The following EFCAB5 variants were observed in gnomAD, a reference collection of about 807,000 sequenced individuals.
EFCAB5 encodes the protein EF-hand calcium-binding domain-containing protein 5.
A neutral mutation model predicts 167.9 loss-of-function variants in EFCAB5; 131 were observed. That is an observed-to-expected ratio of 0.78 (90% CI 0.68 to 0.90). The LOEUF (loss-of-function observed/expected upper bound fraction) is 0.90, where lower values mean the gene tolerates loss of function less well. Ranked by LOEUF, EFCAB5 falls within the 40% of genes least tolerant of loss-of-function variation. The pLI is 0.00. For missense variants in EFCAB5, 1,663 were observed against 1,745.2 expected (o/e 0.95, Z 0.84); for synonymous variants, 574 against 602.8 (o/e 0.95, Z 0.70).
intron 7 of EFCAB5, 48 bp downstream of exon 7, chr17:30,000,024 T>C (rs781399290): frequency 1.5e-5 from 21 of 1,416,174 alleles, no homozygotes; most frequent in African/African-American, 1.3e-4. Context: ...TTTGTCAGTT[T>C]CAATTGTCTG....
intron 17 of EFCAB5, among the ~76,000 whole-genome samples, chr17:30,081,772 G>A (rs2070992803): frequency 6.6e-6 from 1 of 152,092 alleles, no homozygotes; most frequent in Non-Finnish European, 1.5e-5. Context: ...CTCTTTCTCT[G>A]GACACATTTT....
intron 22 of EFCAB5, among the ~76,000 whole-genome samples, chr17:30,096,568 T>C (rs548884707): frequency 6.6e-6 from 1 of 151,410 alleles, no homozygotes; most frequent in South Asian, 2.1e-4. Flanking sequence ...AAAAACTTGG[T>C]TTAATAAGAA....
chr17:30,101,721 G>C (rs995052089), intron 22 of EFCAB5, among the ~76,000 whole-genome samples: 1 of 152,154 alleles, frequency 6.6e-6, no homozygotes, highest in Non-Finnish European at 1.5e-5. Context: ...AGCAAAGAAT[G>C]GTGTGGTAAC....
At chr17:30,107,283 A>AAT (rs1330433258) in intron 22 of EFCAB5, among the ~76,000 whole-genome samples, 2 of 152,244 alleles carry the variant, frequency 1.3e-5, no homozygotes, top group Admixed American at 1.3e-4. Flanking sequence ...TATAGAGAAT[A>AAT]ATACCTGCAT....
At chr17:30,087,722 T>A (rs1221059486) in intron 19 of EFCAB5, among the ~76,000 whole-genome samples, 1 of 152,222 alleles carries the variant, frequency 6.6e-6, no homozygotes, top group East Asian at 1.9e-4. Flanking sequence ...ATTCCATGTC[T>A]TTGCTACTGT....
At chr17:30,038,437 T>C (rs1191219844) in intron 8 of EFCAB5, among the ~76,000 whole-genome samples, 1 of 152,218 alleles carries the variant, frequency 6.6e-6, no homozygotes, top group Non-Finnish European at 1.5e-5. Context: ...AAGATTCCTT[T>C]CAAAATATTA....
chr17:30,045,864 T>A (rs897262487), intron 8 of EFCAB5, among the ~76,000 whole-genome samples: 1 of 150,616 alleles, frequency 6.6e-6, no homozygotes, highest in Non-Finnish European at 1.5e-5. Flanking sequence ...TAAATAAAAT[T>A]AAAAATAAAT....
At chr17:30,069,761 G>T in intron 14 of EFCAB5, 2 of 691,436 alleles carry the variant, frequency 2.9e-6, no homozygotes, top group Non-Finnish European at 4.9e-6. Context: ...TTATCACAGA[G>T]CCATTTTAAG....
intron 22 of EFCAB5, among the ~76,000 whole-genome samples, chr17:30,096,309 A>C (rs1466259017): frequency 1.3e-5 from 2 of 152,318 alleles, no homozygotes; most frequent in East Asian, 3.9e-4. Context: ...ATTAAGAGGA[A>C]CAACTAAATA....
chr17:30,083,833 A>C (rs2071036557), intron 18 of EFCAB5, among the ~76,000 whole-genome samples: 1 of 152,218 alleles, frequency 6.6e-6, no homozygotes, highest in African/African-American at 2.4e-5. Context: ...AACACTCACC[A>C]GAATCATATG....
intron 4 of EFCAB5, among the ~76,000 whole-genome samples, chr17:29,989,352 T>G (rs902252162): frequency 6.6e-6 from 1 of 152,196 alleles, no homozygotes; most frequent in Non-Finnish European, 1.5e-5. Flanking sequence ...TGTGAAAATT[T>G]TTTACGAGTA....
intron 1 of EFCAB5, among the ~76,000 whole-genome samples, chr17:29,931,227 A>T (rs1489627733): frequency 6.6e-6 from 1 of 152,218 alleles, no homozygotes; most frequent in Non-Finnish European, 1.5e-5. Flanking sequence ...TACATATCAA[A>T]GCTGTAGAAA....
chr17:29,973,468 ATTTCCTT>A (rs1338904547), intron 4 of EFCAB5, among the ~76,000 whole-genome samples: 2 of 147,266 alleles, frequency 1.4e-5, no homozygotes, highest in Non-Finnish European at 3.0e-5. Context: ...TGACATTTAT[ATTTCCTT>A]TTTCCTTTTT....
rs2070084680 is a variant in EFCAB5, at chr17:30,051,186, G to A, written c.1269G>A (p.Met423Ile). Residue 423 changes from methionine (M) to isoleucine (I), a missense_variant, in exon 9 of 23, where the codon ATG (methionine) becomes ATA (isoleucine). Physicochemically the swap from Met to Ile is conservative, Grantham distance 10 (BLOSUM62 1). Transcript: ENST00000394835. ...LELFYDHSSQ[M>I]LRSLLRNPRQ... ...TGTTCTATGACCATAGTTCACAAAT[G>A]CTTAGGAGTTTACTTCGAAACCCAC... The A allele has an allele frequency of 6.2e-7, 1 of 1,613,856 alleles. No individual in the cohort carries two copies. The highest frequency in any genetic ancestry group is 1.7e-5 in the Admixed American group (1 of 60,000).
At chr17:30,081,623 C>A (rs2070989805) in intron 17 of EFCAB5, among the ~76,000 whole-genome samples, 1 of 152,176 alleles carries the variant, frequency 6.6e-6, no homozygotes, top group Non-Finnish European at 1.5e-5. Context: ...TGGAGTCTAG[C>A]AGCAAGTTAG....
Position 30,107,846 on chromosome 17 carries a change from C to A in EFCAB5, c.4334C>A (p.Thr1445Asn). The A allele has an allele frequency of 6.4e-7, 1 of 1,568,824 alleles. No homozygotes were observed. Among genetic ancestry groups the A allele is most frequent in the Non-Finnish European group, 8.6e-7 (1 of 1,163,608 alleles). The change falls in exon 23 of 23, where the codon ACT becomes AAT. Residue 1445 changes from threonine (T) to asparagine (N), a missense_variant. Thr to Asn is a moderately conservative substitution (Grantham distance 65). Transcript: ENST00000394835. ...TTTCCTGATGCAGATCATTCCCGAA[C>A]TGAAGTATGGAAATTTGGTAATGTT... ...IDEYIRDHSR[T>N]EVWKFGNVVI...
At chr17:30,055,310 AAG>A (rs1378090113) in intron 10 of EFCAB5, among the ~76,000 whole-genome samples, 2 of 141,224 alleles carry the variant, frequency 1.4e-5, no homozygotes, top group African/African-American at 5.3e-5. Flanking sequence ...AGAAAGAAAG[AAG>A]AGAGAGAGAG....
At chr17:29,974,080 C>T (rs2068015691) in intron 4 of EFCAB5, among the ~76,000 whole-genome samples, 1 of 150,662 alleles carries the variant, frequency 6.6e-6, no homozygotes, top group Non-Finnish European at 1.5e-5. Context: ...TTGCTTGAAC[C>T]TGGAAGGCAG....
chr17:30,097,045 TATAC>T (rs1180420918), intron 22 of EFCAB5, among the ~76,000 whole-genome samples: 21 of 90,078 alleles, frequency 2.3e-4, no homozygotes, highest in African/African-American at 4.2e-4. Flanking sequence ...TACATATACA[TATAC>T]ATATATATAT....
Sources: gnomAD v4.1 joint callset for allele counts (sites outside exome capture counted in the v4.1 genomes callset) on GRCh38, gnomAD v4.1.1 for gene constraint, MANE v1.5 for transcripts, NCBI Gene and HGNC (gene_info 2026-07-23, HGNC 2026-07-21) for gene names.